The following ZNF596 variants were observed in gnomAD, a reference collection of about 807,000 sequenced individuals.
ZNF596 encodes zinc finger protein 596.
ZNF596 carries 45 observed loss-of-function variants against 48.3 expected under a neutral mutation model. That is an observed-to-expected ratio of 0.93 (90% CI 0.73 to 1.19). The LOEUF is 1.19. ZNF596 is among the 50% of genes most tolerant of loss of function. The pLI is 0.00. For synonymous variants in ZNF596, 270 were observed against 202.0 expected (o/e 1.34, Z -2.85); for missense variants, 848 against 599.7 (o/e 1.41, Z -4.32).
At chr8:240,100 ATC>A (rs1796790325) in intron 1 of ZNF596, among the ~76,000 whole-genome samples, 1 of 152,142 alleles carries the variant, frequency 6.6e-6, no homozygotes, top group Non-Finnish European at 1.5e-5. Flanking sequence ...AAACCAAACT[ATC>A]TATTTCTTAC....
intron 2 of ZNF596, among the ~76,000 whole-genome samples, chr8:242,411 C>A (rs893869267): frequency 6.8e-6 from 1 of 147,292 alleles, no homozygotes; most frequent in Non-Finnish European, 1.5e-5. Context: ...TCTCATTGGA[C>A]CTTTTTGAAC....
intron 1 of ZNF596, among the ~76,000 whole-genome samples, chr8:239,592 A>T (rs1001762054): frequency 2.0e-4 from 31 of 152,190 alleles, no homozygotes; most frequent in Admixed American, 5.9e-4. Context: ...GGACATTTTA[A>T]ATATTACATA....
intron 1 of ZNF596, among the ~76,000 whole-genome samples, chr8:235,934 A>G (rs1205651110): frequency 2.0e-5 from 3 of 152,122 alleles, no homozygotes; most frequent in Non-Finnish European, 4.4e-5. Context: ...TATACTCACC[A>G]AAAATCAAAA....
At chr8:233,140 G>C (rs991436514) in intron 1 of ZNF596, 43 of 467,920 alleles carry the variant, frequency 9.2e-5, no homozygotes, top group Non-Finnish European at 1.8e-4. Flanking sequence ...AAGTGGATGG[G>C]TCTGAGGAAT....
rs1280894845 is a variant in ZNF596 at position 245,492 on chromosome 8, G to C, written c.645G>C (p.Met215Ile). The C allele has an allele frequency of 1.2e-6, 2 of 1,614,180 alleles. No individual in the cohort carries two copies. The highest frequency in any genetic ancestry group is 2.2e-5 in the East Asian group (1 of 44,880). ...SKNSNLRRHE[M>I]IHTGEKPHGC... The stretch of plus-strand genomic sequence containing the variant: ...ATTCTAATCTTAGGCGACATGAGAT[G>C]ATTCACACTGGAGAGAAACCACACG... Residue 215 changes from methionine (M) to isoleucine (I), a missense_variant, in exon 6 of 6, where the codon ATG (methionine) becomes ATC (isoleucine). Transcript: ENST00000398612.
intron 1 of ZNF596, among the ~76,000 whole-genome samples, chr8:237,982 C>T (rs1796687228): frequency 6.6e-6 from 1 of 152,172 alleles, no homozygotes; most frequent in East Asian, 1.9e-4. Context: ...GTACTAGTCC[C>T]TGCTGGCAGG....
chr8:238,664 G>A (rs1374881706), intron 1 of ZNF596, among the ~76,000 whole-genome samples: 2 of 147,576 alleles, frequency 1.4e-5, no homozygotes, highest in Non-Finnish European at 3.0e-5. Context: ...AAAATTAGCT[G>A]GTCGTGGTGA....
At chr8:242,200 C>T (rs555169968) in intron 2 of ZNF596, among the ~76,000 whole-genome samples, 11 of 152,214 alleles carry the variant, frequency 7.2e-5, no homozygotes, top group Admixed American at 7.2e-4. Flanking sequence ...TCTTAGAGTC[C>T]CTGGCTTGTG....
At chr8:239,291 C>G (rs756353295) in intron 1 of ZNF596, among the ~76,000 whole-genome samples, 1 of 152,158 alleles carries the variant, frequency 6.6e-6, no homozygotes, top group African/African-American at 2.4e-5. Flanking sequence ...CAGGTTCAAG[C>G]GATTCTCATA....
chr8:243,132 A>T lies in ZNF596; in HGVS notation c.139+119A>T, dbSNP rs574138198. On this transcript the variant is annotated intron_variant, in intron 3 of 5. Coordinates refer to ENST00000398612, the MANE Select transcript of ZNF596 (RefSeq NM_001042416.3). Reference sequence around the variant, plus strand: ...AACAGCTTTCTCATCTATCACTTCAACTTCTGCTTTGATCCTTTCATAACT... The same window carrying T: ...AACAGCTTTCTCATCTATCACTTCATCTTCTGCTTTGATCCTTTCATAACT... The T allele has an allele frequency of 4.6e-6, 4 of 876,870 alleles. No homozygotes were observed. In the South Asian group the frequency reaches 7.7e-5, roughly 17 times the overall value. 54.3% of individuals were successfully genotyped at this position (876,870 alleles called of 1,614,324 possible).
intron 2 of ZNF596, among the ~76,000 whole-genome samples, chr8:241,793 G>C (rs190047398): frequency 3.7e-4 from 56 of 152,264 alleles, no homozygotes; most frequent in African/African-American, 1.3e-3. Context: ...ATGAAGAAAA[G>C]AAGTTTAACT....
chr8:239,259 G>A (rs558984170), intron 1 of ZNF596, among the ~76,000 whole-genome samples: 186 of 152,302 alleles, frequency 1.2e-3, no homozygotes, highest in African/African-American at 4.1e-3. Context: ...TTCGATCTCC[G>A]CTCACTGCAA....
At chr8:239,736 G>C (rs1796771850) in intron 1 of ZNF596, among the ~76,000 whole-genome samples, 1 of 152,070 alleles carries the variant, frequency 6.6e-6, no homozygotes, top group Non-Finnish European at 1.5e-5. Context: ...AGAAGCTCTA[G>C]GAATCCCATC....
chr8:243,055 A>T, intron 3 of ZNF596, 42 bp downstream of exon 3: 1 of 1,542,898 alleles, frequency 6.5e-7, no homozygotes, highest in Non-Finnish European at 8.8e-7. Context: ...ATACGGATTC[A>T]TTCACTCACT....
chr8:232,792 C>T, intron 1 of ZNF596, 98 bp downstream of exon 1: 1 of 433,564 alleles, frequency 2.3e-6, no homozygotes, highest in African/African-American at 2.1e-5. Flanking sequence ...CCAGTCCTCC[C>T]TGAGATGCTT....
chr8:240,970 T>G (rs147520288), intron 2 of ZNF596, 63 bp downstream of exon 2: 6 of 1,592,386 alleles, frequency 3.8e-6, no homozygotes, highest in Non-Finnish European at 5.2e-6. Flanking sequence ...AAGGGCAGAT[T>G]CATCCTATTA....
chr8:235,811 A>C (rs1006359203), intron 1 of ZNF596, among the ~76,000 whole-genome samples: 6 of 152,138 alleles, frequency 3.9e-5, no homozygotes, highest in Non-Finnish European at 7.3e-5. Context: ...CCACTTATGA[A>C]ATTGTTTAAT....
At chr8:232,401 C>G (rs542139607), upstream of ZNF596, 4 of 199,686 alleles carry the variant, frequency 2.0e-5, no homozygotes, top group South Asian at 3.4e-4. Flanking sequence ...TTCTCCGGAG[C>G]CGAGGTCCGC....
Position 241,011 on chromosome 8 carries a change from C to G in ZNF596, c.12+104C>G, listed in dbSNP as rs1796832174. Reference sequence around the variant, plus strand: ...GATGTTCTAAGTGCACTCAAGGATCCAAGCTCCAATTAAGATTCCCCAGGG... The same window carrying G: ...GATGTTCTAAGTGCACTCAAGGATCGAAGCTCCAATTAAGATTCCCCAGGG... On this transcript the variant is annotated intron_variant, in intron 2 of 5. Transcript: ENST00000398612. The G allele has an allele frequency of 2.9e-5, 41 of 1,392,132 alleles. 1 individual carries two copies. In the South Asian group the frequency reaches 4.6e-4, roughly 16 times the overall value. 86.2% of individuals were successfully genotyped at this position (1,392,132 alleles called of 1,614,324 possible).
Sources: allele counts gnomAD v4.1 joint callset (sites outside exome capture counted in the v4.1 genomes callset), GRCh38; gene constraint gnomAD v4.1.1; transcripts MANE v1.5; gene names NCBI Gene and HGNC (gene_info 2026-07-23, HGNC 2026-07-21).